The following HIP1 variants were observed in gnomAD, a reference collection of about 807,000 sequenced individuals.
HIP1 encodes the protein huntingtin interacting protein 1, also known as huntingtin-interacting protein 1.
Under a neutral mutation model 147.6 loss-of-function variants are expected in HIP1, and 65 were observed. That is an observed-to-expected ratio of 0.44 (90% confidence interval 0.36 to 0.54). The LOEUF (loss-of-function observed/expected upper bound fraction) is 0.54, where lower values mean the gene tolerates loss of function less well. Ranked by LOEUF, HIP1 falls within the 20% of genes least tolerant of loss-of-function variation. The pLI, the probability that HIP1 is intolerant of heterozygous loss-of-function variation, is 0.00. For synonymous variants in HIP1, 479 were observed against 504.0 expected, an observed-to-expected ratio of 0.95 and a Z score of 0.67; for missense variants, 1,061 against 1,299.6, an observed-to-expected ratio of 0.82 and a Z score of 2.82.
At chr7:75,569,172 A>G (rs1795520958) in intron 8 of HIP1, among the ~76,000 whole-genome samples, 1 of 152,182 alleles carries the variant, frequency 6.6e-6, no homozygotes, top group Admixed American at 6.5e-5. Context: ...GAACCTGCAT[A>G]TTGCAGCTGT....
chr7:75,622,839 A>C (rs2117097788), intron 1 of HIP1, among the ~76,000 whole-genome samples: 1 of 144,398 alleles, frequency 6.9e-6, no homozygotes, highest in East Asian at 2.1e-4. Context: ...CAAGATTGTC[A>C]AATAAATAAT....
At position 75,539,392 on chromosome 7, in the gene HIP1, G is replaced by A. The variant is rs1554489425; in HGVS notation, c.2992C>T (p.Arg998Cys). 9.3e-6 allele frequency: 15 copies of A among 1,614,066 alleles called. No homozygotes were observed. Among genetic ancestry groups the A allele is most frequent in the Admixed American group, 1.7e-5 (1 of 60,016 alleles). ...LELENELQKE[R>C]QKLGELRKKH... Reference sequence around the variant, plus strand: ...TTCCGAAGCTCTCCCAGTTTTTGACGCTCCTTCTGCAATTCATTTTCTAGC... The same window carrying A: ...TTCCGAAGCTCTCCCAGTTTTTGACACTCCTTCTGCAATTCATTTTCTAGC... The change falls in exon 30 of 31, where the codon CGT (arginine) becomes TGT (cysteine). Residue 998 changes from arginine (R) to cysteine (C), a missense_variant. Arg to Cys is a radical substitution (Grantham distance 180). Around this residue, in one of 3 missense-constraint regions of HIP1, gnomAD observed 810 missense variants for 946.8 expected, o/e 0.86. Transcript: ENST00000336926.
At chr7:75,644,381 G>A (rs927279251) in intron 1 of HIP1, among the ~76,000 whole-genome samples, 3 of 152,024 alleles carry the variant, frequency 2.0e-5, no homozygotes, top group East Asian at 1.9e-4. Flanking sequence ...TGCAACCTCC[G>A]CCTCCCAGGT....
At chr7:75,586,439 T>A (rs955429363) in intron 5 of HIP1, among the ~76,000 whole-genome samples, 1 of 152,114 alleles carries the variant, frequency 6.6e-6, no homozygotes, top group African/African-American at 2.4e-5. Context: ...TGACCTCGGG[T>A]GATCCATCCG....
chr7:75,566,984 C>T (rs587753402), intron 9 of HIP1, among the ~76,000 whole-genome samples: 20 of 150,858 alleles, frequency 1.3e-4, no homozygotes, highest in Admixed American at 2.6e-4. Context: ...TGGTGGTGGG[C>T]GCCTGTAATC....
intron 1 of HIP1, among the ~76,000 whole-genome samples, chr7:75,730,455 T>G (rs971440759): frequency 6.6e-6 from 1 of 151,570 alleles, no homozygotes; most frequent in Non-Finnish European, 1.5e-5. Flanking sequence ...TTCTCGTGCC[T>G]CAGCCTCCCA....
intron 9 of HIP1, among the ~76,000 whole-genome samples, chr7:75,565,737 C>CT (rs34786053): frequency 1.1e-3 from 164 of 144,154 alleles, no homozygotes; most frequent in African/African-American, 3.3e-3. Context: ...CCCTCCTTTC[C>CT]TTTTTTTTTT....
chr7:75,663,999 T>C lies in HIP1; in HGVS notation c.121-64752A>G, dbSNP rs868937551. Reference sequence around the variant, plus strand: ...ACATATATGTGTATATATATACACATATATGTGTATATATATACACATATA... The same window carrying C: ...ACATATATGTGTATATATATACACACATATGTGTATATATATACACATATA... On this transcript the variant is annotated intron_variant, in intron 1 of 30. Transcript: ENST00000336926. Among the ~76,000 whole-genome samples, 25 of 23,578 alleles carry C rather than the reference T, an allele frequency of 1.1e-3. 4 individuals are homozygous for C. Among genetic ancestry groups the C allele is most frequent in the African/African-American group, 2.9e-3 (7 of 2,450 alleles). 15.5% of individuals were successfully genotyped at this position (23,578 alleles called of 152,430 possible).
At chr7:75,717,101 G>C (rs532726522) in intron 1 of HIP1, among the ~76,000 whole-genome samples, 1 of 152,216 alleles carries the variant, frequency 6.6e-6, no homozygotes, top group South Asian at 2.1e-4. Flanking sequence ...TTACAGGCAT[G>C]AGTCACCATG....
At position 75,698,610 on chromosome 7, in the gene HIP1, G is replaced by C. The variant is rs191586606; in HGVS notation, c.120+40191C>G. ...AGGCAGGAGGATCACTTGAGGCCAAGAGTTGGAGGCCAGCCTGGGCAACAT... is the reference window on the plus strand; with the variant it reads ...AGGCAGGAGGATCACTTGAGGCCAACAGTTGGAGGCCAGCCTGGGCAACAT... On this transcript the variant is annotated intron_variant, in intron 1 of 30. Coordinates refer to ENST00000336926, the MANE Select transcript of HIP1 (RefSeq NM_005338.7). Among the ~76,000 whole-genome samples, 240 of 152,214 alleles carry C rather than the reference G, an allele frequency of 1.6e-3. 2 individuals are homozygous for C. The highest frequency in any genetic ancestry group is 5.6e-3 in the African/African-American group (231 of 41,542).
At chr7:75,700,736 T>C (rs201075305) in intron 1 of HIP1, among the ~76,000 whole-genome samples, 2 of 151,552 alleles carry the variant, frequency 1.3e-5, no homozygotes, top group African/African-American at 4.8e-5. Flanking sequence ...GACGGAGTCT[T>C]GCTCTGTCGC....
rs1368061170 is a variant in HIP1, at chr7:75,533,675, C to T, written c.*4497G>A. ...TCAAACCTGAGGTAGTTGAGGGTCA[C>T]CTGAAAGACATGTCTGGAAAAATCT... On this transcript the variant is annotated 3_prime_UTR_variant, in exon 31 of 31. Coordinates refer to ENST00000336926, the MANE Select transcript of HIP1 (RefSeq NM_005338.7). The T allele has an allele frequency of 4.3e-6, 1 of 232,742 alleles. No individual in the cohort carries two copies. The highest frequency in any genetic ancestry group is 8.5e-6 in the Non-Finnish European group (1 of 117,752). 14.4% of individuals were successfully genotyped at this position (232,742 alleles called of 1,614,324 possible).
chr7:75,556,301 C>A, intron 17 of HIP1, 132 bp from the exon 18 acceptor site: 1 of 1,123,932 alleles, frequency 8.9e-7, no homozygotes, highest in Non-Finnish European at 1.3e-6. Flanking sequence ...CACTCTGATT[C>A]CCTCCCGGGG....
chr7:75,637,536 A>ATTTTTTTT lies in HIP1; in HGVS notation c.121-38297_121-38290dup, dbSNP rs869251770. On this transcript the variant is annotated intron_variant, in intron 1 of 30. Transcript: ENST00000336926. ...CTCCACCCCCATAGCTGCAGAGAGG[A>ATTTTTTTT]TTTTTTTTTTTTTTTTTTTTTTTTT... 1.8e-3 allele frequency among the ~76,000 whole-genome samples: 129 copies of ATTTTTTTT among 70,884 alleles called. 9 individuals carry two copies. The highest frequency in any genetic ancestry group is 4.3e-3 in the South Asian group (6 of 1,382). The allele number at this position is 70,884 out of a possible 152,430, so 46.5% of individuals were successfully genotyped here.
At chr7:75,585,365 G>A (rs1366909756) in intron 5 of HIP1, among the ~76,000 whole-genome samples, 8 of 151,778 alleles carry the variant, frequency 5.3e-5, no homozygotes, top group African/African-American at 1.9e-4. Flanking sequence ...TAGTAGAGAC[G>A]GAGTTTTGCC....
intron 9 of HIP1, among the ~76,000 whole-genome samples, chr7:75,565,732 CTTT>C (rs1795377600): frequency 1.5e-5 from 2 of 137,534 alleles, no homozygotes; most frequent in African/African-American, 5.1e-5. Flanking sequence ...CCCTCCCCTC[CTTT>C]CCTTTTTTTT....
intron 1 of HIP1, among the ~76,000 whole-genome samples, chr7:75,624,099 C>G (rs1797948076): frequency 6.6e-6 from 1 of 152,104 alleles, no homozygotes; most frequent in Non-Finnish European, 1.5e-5. Context: ...ACGCACACCT[C>G]CAAAGCACAG....
chr7:75,547,662 T>C (rs1396762188), intron 24 of HIP1, 93 bp downstream of exon 24: 1 of 1,033,782 alleles, frequency 9.7e-7, no homozygotes, highest in Non-Finnish European at 1.5e-6. Flanking sequence ...GCTACTGCTC[T>C]CCTCTAATTC....
At chr7:75,541,854 G>T in intron 29 of HIP1, 65 bp downstream of exon 29, 1 of 1,193,510 alleles carries the variant, frequency 8.4e-7, no homozygotes, top group Non-Finnish European at 1.3e-6. Context: ...TTCTCCATGG[G>T]AATAATATTC....
Sources: gnomAD v4.1 joint callset for allele counts (sites outside exome capture counted in the v4.1 genomes callset) on GRCh38, gnomAD v4.1.1 for gene constraint, gnomAD v4.1.1 regional missense constraint, MANE v1.5 for transcripts, NCBI Gene and HGNC (gene_info 2026-07-23, HGNC 2026-07-21) for gene names.